The following SIRPG variants were observed in gnomAD, a reference collection of about 807,000 sequenced individuals.
The protein encoded by SIRPG is signal-regulatory protein gamma.
Under a neutral mutation model 35.7 loss-of-function variants are expected in SIRPG, and 38 were observed. The observed-to-expected ratio is 1.06, with a 90% CI of 0.82 to 1.40. The LOEUF is 1.40. Ranked by LOEUF, SIRPG falls within the 40% of genes most tolerant of loss-of-function variation. The probability of loss-of-function intolerance (pLI) is 0.00; values close to 1 mark genes in which losing one functional copy is unlikely to be tolerated. For missense variants in SIRPG, 519 were observed against 483.0 expected, an observed-to-expected ratio of 1.07 and a Z score of -0.70; for synonymous variants, 215 against 190.4, an observed-to-expected ratio of 1.13 and a Z score of -1.06.
intron 4 of SIRPG, 39 bp from the exon 5 acceptor site, chr20:1,630,345 A>C (rs955886913): frequency 1.0e-5 from 15 of 1,500,062 alleles, no homozygotes; most frequent in Non-Finnish European, 1.2e-5. Flanking sequence ...GAGAGAGACC[A>C]CTTGGGAGGC....
the SIRPG span, among the ~76,000 whole-genome samples, chr20:1,678,266 A>G: frequency 1.1e-4 from 16 of 152,346 alleles, no homozygotes; most frequent in South Asian, 1.7e-3. Flanking sequence ...CCCTGATGCT[A>G]GACCAAGATG....
chr20:1,634,229 CAG>C (rs1568723575), intron 4 of SIRPG, among the ~76,000 whole-genome samples: 1 of 128,302 alleles, frequency 7.8e-6, no homozygotes, highest in East Asian at 2.4e-4. Context: ...TTTTTTTTGA[CAG>C]AGTCTCGCTC....
rs373555109 is a variant in SIRPG, at chr20:1,636,488, C to G, written c.448G>C (p.Val150Leu). ...GTCCTCGCCGCAGGGCCCAATACCA[C>G]GGGGGCAGAGGGTTTGGCTACAAAA... ...MALGAKPSAP[V>L]VLGPAARTTP... Residue 150 changes from valine to leucine, a missense_variant, in exon 3 of 6, where the codon GTG becomes CTG. Transcript: ENST00000303415. 1.9e-6 allele frequency: 3 copies of G among 1,614,100 alleles called. No homozygotes were observed. The highest frequency in any genetic ancestry group is 2.5e-6 in the Non-Finnish European group (3 of 1,179,952).
At chr20:1,668,275 TTTC>T in the SIRPG span, among the ~76,000 whole-genome samples, 4 of 149,226 alleles carry the variant, frequency 2.7e-5, no homozygotes, top group Non-Finnish European at 6.0e-5. Context: ...CTTTTCTTTC[TTTC>T]TTTTCTTTCT....
At chr20:1,678,859 G>T in the SIRPG span, among the ~76,000 whole-genome samples, 4 of 152,160 alleles carry the variant, frequency 2.6e-5, no homozygotes, top group African/African-American at 7.2e-5. Context: ...TTCCTCTCAC[G>T]CGAGAGATCC....
the SIRPG span, among the ~76,000 whole-genome samples, chr20:1,682,643 G>A: frequency 6.6e-6 from 1 of 152,296 alleles, no homozygotes; most frequent in East Asian, 1.9e-4. Flanking sequence ...AAATGTTATT[G>A]AGTAAACTGG....
chr20:1,650,455 A>G (rs1473837777), intron 1 of SIRPG, among the ~76,000 whole-genome samples: 5 of 152,232 alleles, frequency 3.3e-5, no homozygotes, highest in Non-Finnish European at 7.3e-5. Flanking sequence ...AAATACAACA[A>G]TTGAAAGTTC....
intron 1 of SIRPG, among the ~76,000 whole-genome samples, chr20:1,652,946 G>A (rs1260002437): frequency 6.6e-6 from 1 of 152,232 alleles, no homozygotes; most frequent in Non-Finnish European, 1.5e-5. Flanking sequence ...GAATTGCTCA[G>A]TGGGACATTT....
the SIRPG span, among the ~76,000 whole-genome samples, chr20:1,686,419 G>A: frequency 7.2e-5 from 11 of 152,326 alleles, no homozygotes; most frequent in African/African-American, 1.9e-4. Context: ...AAGACCTCAG[G>A]AGCCTGCTCC....
chr20:1,643,398 T>C (rs1481559924), intron 2 of SIRPG, among the ~76,000 whole-genome samples: 1 of 152,220 alleles, frequency 6.6e-6, no homozygotes, highest in Non-Finnish European at 1.5e-5. Context: ...AAAGTTCTTG[T>C]GCTACGTTTT....
chr20:1,672,305 T>G, the SIRPG span, among the ~76,000 whole-genome samples: 1 of 152,230 alleles, frequency 6.6e-6, no homozygotes, highest in African/African-American at 2.4e-5. Context: ...CTGAGGTATT[T>G]ATGAATTTGT....
the SIRPG span, among the ~76,000 whole-genome samples, chr20:1,683,934 A>C: frequency 1.3e-5 from 2 of 151,234 alleles, 1 homozygote; most frequent in Non-Finnish European, 2.9e-5. Context: ...TCACCATTGC[A>C]CTCCAGCCTG....
At chr20:1,630,987 T>A (rs759892444) in intron 4 of SIRPG, among the ~76,000 whole-genome samples, 1 of 152,074 alleles carries the variant, frequency 6.6e-6, no homozygotes, top group Non-Finnish European at 1.5e-5. Context: ...TGGGAGGGCC[T>A]CAGATGTCAC....
upstream of SIRPG, among the ~76,000 whole-genome samples, chr20:1,658,906 G>A (rs2091988479): frequency 6.6e-6 from 1 of 152,064 alleles, no homozygotes; most frequent in Non-Finnish European, 1.5e-5. Flanking sequence ...TTCTCCCTCT[G>A]GATTCTCTAA....
chr20:1,634,608 A>G (rs2091777561), intron 4 of SIRPG, among the ~76,000 whole-genome samples: 1 of 152,206 alleles, frequency 6.6e-6, no homozygotes, highest in Admixed American at 6.5e-5. Flanking sequence ...GATGAAACAG[A>G]AACAAAGCAG....
chr20:1,636,068 C>T (rs564858888), intron 3 of SIRPG, 120 bp downstream of exon 3: 21 of 1,398,192 alleles, frequency 1.5e-5, no homozygotes, highest in African/African-American at 7.1e-5. Context: ...GCATGGCGGG[C>T]GGGCAGTATA....
Position 1,655,121 on chromosome 20 carries a change from G to A in SIRPG, c.73+2521C>T, listed in dbSNP as rs187863060. ...AGCCATTAGTGAAAACAGTATGCAGGTTCCTCAAGAAATTAAAAATATAAC... is the reference window on the plus strand; with the variant it reads ...AGCCATTAGTGAAAACAGTATGCAGATTCCTCAAGAAATTAAAAATATAAC... On this transcript the variant is annotated intron_variant, in intron 1 of 5. Transcript: ENST00000303415. 3.5e-3 allele frequency among the ~76,000 whole-genome samples: 537 copies of A among 152,252 alleles called. 1 individual carries two copies. The highest frequency in any genetic ancestry group is 0.012 in the African/African-American group (482 of 41,530).
chr20:1,633,360 T>C (rs1219077550), intron 4 of SIRPG: 1 of 152,242 alleles, frequency 6.6e-6, no homozygotes, highest in Non-Finnish European at 1.5e-5. Context: ...AAGATAGTCA[T>C]AAAAGAAATT....
At chr20:1,649,722 A>G (rs1384517043) in intron 1 of SIRPG, among the ~76,000 whole-genome samples, 1 of 141,442 alleles carries the variant, frequency 7.1e-6, no homozygotes, top group East Asian at 2.1e-4. Context: ...CGGCAACTTC[A>G]ACCTCTCAGG....
Sources: gnomAD v4.1 joint callset for allele counts (sites outside exome capture counted in the v4.1 genomes callset) on GRCh38, gnomAD v4.1.1 for gene constraint, MANE v1.5 for transcripts, NCBI Gene and HGNC (gene_info 2026-07-23, HGNC 2026-07-21) for gene names.